JMJD1C: variants seen among roughly 807,000 people sequenced by gnomAD.
The protein encoded by JMJD1C is jumonji domain-containing protein 1C.
In JMJD1C, 31 loss-of-function variants were observed where a neutral mutation model predicts 245.3. The observed-to-expected ratio is 0.13, with a 90% CI of 0.09 to 0.17. The LOEUF (loss-of-function observed/expected upper bound fraction) is 0.17. JMJD1C is among the 10% of genes least tolerant of loss of function. The probability of loss-of-function intolerance (pLI) is 1.00; values close to 1 mark genes in which losing one functional copy is unlikely to be tolerated. For synonymous variants in JMJD1C, 1,057 were observed against 1,017.4 expected, an observed-to-expected ratio of 1.04 and a Z score of -0.74; for missense variants, 2,691 against 3,000.2, an observed-to-expected ratio of 0.90 and a Z score of 2.41.
chr10:63,439,250 G>A (rs564321229), intron 1 of JMJD1C, among the ~76,000 whole-genome samples: 102 of 152,266 alleles, frequency 6.7e-4, no homozygotes, highest in African/African-American at 2.4e-3. Flanking sequence ...TTAGACCTCA[G>A]TAGCTTTCTT....
chr10:63,349,184 C>T (rs1472670216), intron 2 of JMJD1C, among the ~76,000 whole-genome samples: 3 of 145,556 alleles, frequency 2.1e-5, no homozygotes, highest in Admixed American at 6.9e-5. Context: ...TAAAAGGAAG[C>T]TCCCCAAAGC....
At chr10:63,182,568 C>G (rs1044657576) in intron 22 of JMJD1C, among the ~76,000 whole-genome samples, 3 of 152,114 alleles carry the variant, frequency 2.0e-5, no homozygotes, top group African/African-American at 7.2e-5. Context: ...AAAAAATCAT[C>G]TTAGACTCTG....
chr10:63,441,136 T>C (rs908598197), intron 1 of JMJD1C, among the ~76,000 whole-genome samples: 6 of 152,286 alleles, frequency 3.9e-5, no homozygotes, highest in East Asian at 1.9e-4. Context: ...TAAAACAGTA[T>C]TGCATATACA....
intron 13 of JMJD1C, among the ~76,000 whole-genome samples, chr10:63,197,176 T>C (rs987418716): frequency 6.6e-6 from 1 of 152,082 alleles, no homozygotes; most frequent in Non-Finnish European, 1.5e-5. Flanking sequence ...ACTATCTGAC[T>C]GAAATGAGAA....
rs1466788369 is a variant in JMJD1C at position 63,213,625 on chromosome 10, C to T, written c.2542G>A (p.Ala848Thr). 2 of 1,614,160 alleles carry T rather than the reference C, an allele frequency of 1.2e-6. No individual in the cohort carries two copies. Among genetic ancestry groups the T allele is most frequent in the Non-Finnish European group, 8.5e-7 (1 of 1,180,000 alleles). Residue 848 changes from alanine (A) to threonine (T), a missense_variant, in exon 8 of 26, where the codon GCC becomes ACC. Around this residue, in one of 9 missense-constraint regions of JMJD1C, gnomAD observed 1,562 missense variants for 1,490.7 expected, o/e 1.05. Transcript: ENST00000399262. ...QHQSPHLLGQ[A>T]HPSASYNQLG... ...TGATTATATGAAGCAGAAGGATGGG[C>T]TTGTCCAAGAAGATGAGGTGACTGG...
chr10:63,400,046 T>G (rs974318129), intron 1 of JMJD1C, among the ~76,000 whole-genome samples: 3 of 152,286 alleles, frequency 2.0e-5, no homozygotes, highest in Admixed American at 1.3e-4. Flanking sequence ...TTATTTTACT[T>G]AACAAAATGT....
intron 11 of JMJD1C, 114 bp downstream of exon 11, chr10:63,200,362 T>C (rs1845884067): frequency 4.1e-6 from 3 of 732,642 alleles, no homozygotes; most frequent in South Asian, 3.6e-5. Context: ...TTCCAAAACA[T>C]GGAGACTCAA....
intron 1 of JMJD1C, among the ~76,000 whole-genome samples, chr10:63,396,478 G>A (rs1322554532): frequency 1.3e-5 from 2 of 152,186 alleles, no homozygotes; most frequent in East Asian, 3.8e-4. Flanking sequence ...GTAGGGGTGA[G>A]AAAGCAGCTA....
rs371173613 is a variant in JMJD1C, at chr10:63,214,638, A to G, written c.1529T>C (p.Ile510Thr). The G allele has an allele frequency of 1.1e-5, 18 of 1,614,050 alleles. No individual in the cohort carries two copies. The highest frequency in any genetic ancestry group is 4.0e-5 in the African/African-American group (3 of 74,948). Residue 510 changes from isoleucine (I) to threonine (T), a missense_variant, in exon 8 of 26, where the codon ATT becomes ACT. Ile to Thr is a moderately conservative substitution (Grantham distance 89). Transcript: ENST00000399262. ...VSRPPTPKCV[I>T]DITNDTNLEK... is the part of the protein sequence containing the mutation. ...TAAATTAGTGTCATTTGTAATATCA[A>G]TAACACATTTTGGTGTGGGTGGTCT...
At position 63,514,582 on chromosome 10, in the gene JMJD1C, A is replaced by G. The variant is rs188699277; in HGVS notation, n.113+7156T>C. Among the ~76,000 whole-genome samples, 623 of 152,194 alleles carry G rather than the reference A, an allele frequency of 4.1e-3. 4 individuals carry two copies. The highest frequency in any genetic ancestry group is 6.8e-3 in the Middle Eastern group (2 of 292). On this transcript the variant is annotated intron_variant and non_coding_transcript_variant, in intron 1 of 3. Coordinates refer to the JMJD1C transcript ENST00000633035. ...TATAAGTGGGAGCTAAACACTGGGT[A>G]CTCACTGACATAATGATGGCAACAA... is the stretch of plus-strand genomic sequence containing the variant.
intron 1 of JMJD1C, among the ~76,000 whole-genome samples, chr10:63,488,339 G>A (rs1954063355): frequency 1.3e-5 from 2 of 152,146 alleles, no homozygotes; most frequent in Non-Finnish European, 2.9e-5. Context: ...AATAGTATTT[G>A]TAAATATTTT....
At position 63,204,956 on chromosome 10, in the gene JMJD1C, C is replaced by T. The variant is rs373580568; in HGVS notation, c.5074+1639G>A. ...AGTACTTTGAGTGTCCACATTGTCA[C>T]AGATATTTCATATATTGTATGTGGA... On this transcript the variant is annotated intron_variant, in intron 10 of 25. Coordinates refer to ENST00000399262, the MANE Select transcript of JMJD1C (RefSeq NM_032776.3). 1.4e-4 allele frequency: 142 copies of T among 985,274 alleles called. No homozygotes were observed. The African/African-American group carries it at 2.3e-3, about 16-fold the overall frequency. The allele number at this position is 985,274 out of a possible 1,614,324, so 61.0% of individuals were successfully genotyped here. A position where few individuals can be genotyped will look rare whatever the true frequency, so the allele number is the denominator to read the frequency against.
At chr10:63,313,866 T>C (rs1274898829) in intron 2 of JMJD1C, among the ~76,000 whole-genome samples, 3 of 152,238 alleles carry the variant, frequency 2.0e-5, no homozygotes, top group Non-Finnish European at 4.4e-5. Flanking sequence ...TGTGAGGATT[T>C]TCTCCCACTC....
intron 13 of JMJD1C, among the ~76,000 whole-genome samples, chr10:63,196,581 T>C (rs1564587230): frequency 6.6e-6 from 1 of 152,216 alleles, no homozygotes; most frequent in Non-Finnish European, 1.5e-5. Context: ...ATGGTTCATC[T>C]ACCTGATACA....
intron 1 of JMJD1C, among the ~76,000 whole-genome samples, chr10:63,423,288 T>G (rs982451112): frequency 6.6e-6 from 1 of 152,114 alleles, no homozygotes. Flanking sequence ...TCATCCCAAA[T>G]AGGAACTCTG....
chr10:63,200,741 T>G (rs1845917405), intron 10 of JMJD1C, 64 bp from the exon 11 acceptor site: 3 of 1,385,938 alleles, frequency 2.2e-6, no homozygotes, highest in Non-Finnish European at 3.0e-6. Flanking sequence ...CTCCTTGAGA[T>G]GAAATTCAAG....
intron 1 of JMJD1C, among the ~76,000 whole-genome samples, chr10:63,456,461 A>G (rs959602014): frequency 3.3e-5 from 5 of 152,142 alleles, no homozygotes; most frequent in Non-Finnish European, 5.9e-5. Flanking sequence ...GTCATTTTAT[A>G]TTAAATAACA....
At chr10:63,412,735 A>G (rs1219282642) in intron 1 of JMJD1C, among the ~76,000 whole-genome samples, 1 of 152,234 alleles carries the variant, frequency 6.6e-6, no homozygotes, top group African/African-American at 2.4e-5. Context: ...ATTTTATGGT[A>G]GCAAATGATA....
chr10:63,186,461 C>CA (rs1564569026), intron 18 of JMJD1C, 78 bp from the exon 19 acceptor site: 2 of 1,211,414 alleles, frequency 1.7e-6, no homozygotes, highest in Non-Finnish European at 2.3e-6. Flanking sequence ...TTGTTTGAGA[C>CA]AGAGTCTTGC....
Sources: allele counts gnomAD v4.1 joint callset (sites outside exome capture counted in the v4.1 genomes callset), GRCh38; gene constraint gnomAD v4.1.1; regional missense constraint gnomAD v4.1.1; transcripts MANE v1.5; gene names NCBI Gene and HGNC (gene_info 2026-07-23, HGNC 2026-07-21).